The following L3MBTL1 variants were observed in gnomAD, a reference collection of about 807,000 sequenced individuals.
L3MBTL1 encodes L3MBTL histone methyl-lysine binding protein 1, also known as lethal(3)malignant brain tumor-like protein 1.
L3MBTL1 carries 75 observed loss-of-function variants against 105.3 expected under a neutral mutation model. The observed-to-expected ratio is 0.71, with a 90% CI of 0.59 to 0.86. The LOEUF is 0.86. L3MBTL1 is among the 40% of genes least tolerant of loss of function. The probability of loss-of-function intolerance (pLI) is 0.00; values close to 1 mark genes in which losing one functional copy is unlikely to be tolerated. For missense variants in L3MBTL1, 1,069 were observed against 1,126.4 expected (o/e 0.95, Z 0.73); for synonymous variants, 452 against 436.2 (o/e 1.04, Z -0.45).
chr20:43,523,719 T>C (rs893806236), intron 7 of L3MBTL1: 2 of 152,404 alleles, frequency 1.3e-5, no homozygotes, highest in African/African-American at 4.8e-5. Flanking sequence ...TTATTTTCTT[T>C]TTATTTTTAA....
rs1039035686 is a variant in L3MBTL1 at position 43,515,610 on chromosome 20, G to C, written c.777+195G>C. 3 of 653,652 alleles carry C rather than the reference G, an allele frequency of 4.6e-6. No individual in the cohort carries two copies. The African/African-American group carries it at 5.5e-5, about 12-fold the overall frequency. The allele number at this position is 653,652 out of a possible 1,614,324, so 40.5% of individuals were successfully genotyped here. ...AGGGAAATGAATTAATCACTCTCTT[G>C]ATTTTCCAGAGCTCCCATCTCAGTT... On this transcript the variant is annotated intron_variant, in intron 6 of 21. Transcript: ENST00000418998.
intron 16 of L3MBTL1, 47 bp downstream of exon 16, chr20:43,534,989 C>T: frequency 7.4e-7 from 1 of 1,351,026 alleles, no homozygotes; most frequent in African/African-American, 1.5e-5. Flanking sequence ...CCCCCAGGTT[C>T]TGACAATCCT....
rs191981062 is a variant in L3MBTL1 at position 43,517,096 on chromosome 20, C to T, written c.862+919C>T. On this transcript the variant is annotated intron_variant, in intron 7 of 21. Coordinates refer to ENST00000418998, the MANE Select transcript of L3MBTL1 (RefSeq NM_001377303.1). ...ACAGGTGTGAGGTACCACGCCTGGT[C>T]GTCTTTTTTTTTTTTTCTTTGAGAC... 8.1e-4 allele frequency among the ~76,000 whole-genome samples: 121 copies of T among 149,404 alleles called. 1 individual carries two copies. Among genetic ancestry groups the T allele is most frequent in the Non-Finnish European group, 1.4e-3 (95 of 67,390 alleles).
intron 3 of L3MBTL1, among the ~76,000 whole-genome samples, 179 bp downstream of exon 3, chr20:43,514,240 C>A (rs1368525165): frequency 1.3e-5 from 2 of 151,562 alleles, no homozygotes; most frequent in Non-Finnish European, 2.9e-5. Context: ...ACTCCTAGGC[C>A]CTGGGGACTA....
At chr20:43,539,877 G>A (rs2019818843) in intron 19 of L3MBTL1, 2 of 548,960 alleles carry the variant, frequency 3.6e-6, no homozygotes, top group Non-Finnish European at 6.6e-6. Flanking sequence ...TCCTTGCAGG[G>A]CCCAGGGTGG....
rs577235468 is a variant in L3MBTL1 at position 43,521,198 on chromosome 20, C to T, written c.862+5021C>T. Among the ~76,000 whole-genome samples the T allele has an allele frequency of 2.6e-5, 4 of 152,258 alleles. No individual in the cohort carries two copies. In the South Asian group the frequency reaches 8.3e-4, roughly 32 times the overall value. On this transcript the variant is annotated intron_variant, in intron 7 of 21. Coordinates refer to ENST00000418998, the MANE Select transcript of L3MBTL1 (RefSeq NM_001377303.1). ...GGCAAACACACAAATATCTCTGTAG[C>T]AAATTGAAAGCAAAAAGACCCAGCA...
At chr20:43,546,989 T>A (rs1344221896) in intron 18 of L3MBTL1, among the ~76,000 whole-genome samples, 1 of 152,182 alleles carries the variant, frequency 6.6e-6, no homozygotes, top group Non-Finnish European at 1.5e-5. Context: ...CATTTTGCAG[T>A]TTTTGAGCCA....
chr20:43,520,624 A>G (rs2018656749), intron 7 of L3MBTL1, among the ~76,000 whole-genome samples: 1 of 152,064 alleles, frequency 6.6e-6, no homozygotes, highest in South Asian at 2.1e-4. Flanking sequence ...TGTGGTTTTG[A>G]TTTGCATTTC....
chr20:43,515,148 G>T lies in L3MBTL1; in HGVS notation c.642G>T (p.Leu214=). Residue 214 remains leucine, a synonymous_variant, in exon 5 of 22, where the codon CTG becomes CTT. Coordinates refer to ENST00000418998, the MANE Select transcript of L3MBTL1 (RefSeq NM_001377303.1). ...CCTCTAATGATGGCTGCCCTCAGCTGTTCCAGGAGCGGTAAGGGGAGGAGG... is the reference window on the plus strand; with the variant it reads ...CCTCTAATGATGGCTGCCCTCAGCTTTTCCAGGAGCGGTAAGGGGAGGAGG... ...LGSSNDGCPQ[L]FQERSVIVEN... 6.2e-7 allele frequency: 1 copy of T among 1,614,188 alleles called. No individual in the cohort carries two copies. Among genetic ancestry groups the T allele is most frequent in the Non-Finnish European group, 8.5e-7 (1 of 1,180,022 alleles).
intron 1 of L3MBTL1, among the ~76,000 whole-genome samples, chr20:43,508,997 G>A (rs1028464308): frequency 2.0e-5 from 3 of 152,120 alleles, no homozygotes; most frequent in Non-Finnish European, 4.4e-5. Flanking sequence ...AGAGGCTGAC[G>A]GCAGAAGGCT....
intron 7 of L3MBTL1, among the ~76,000 whole-genome samples, 196 bp downstream of exon 7, chr20:43,516,373 A>G (rs1180603188): frequency 6.6e-6 from 1 of 152,124 alleles, no homozygotes; most frequent in Non-Finnish European, 1.5e-5. Context: ...TTTTCTTGGG[A>G]GTTATATGAT....
At chr20:43,524,147 T>TA (rs895667415) in intron 7 of L3MBTL1, among the ~76,000 whole-genome samples, 4 of 152,156 alleles carry the variant, frequency 2.6e-5, no homozygotes, top group Non-Finnish European at 4.4e-5. Context: ...ATTTGTCTTT[T>TA]AAAAAAAATT....
chr20:43,537,836 A>C (rs1352109239), intron 19 of L3MBTL1, among the ~76,000 whole-genome samples: 1 of 152,222 alleles, frequency 6.6e-6, no homozygotes, highest in African/African-American at 2.4e-5. Flanking sequence ...CTGGGCAGTA[A>C]GTAACATAGT....
At chr20:43,530,939 A>G (rs1254401616) in intron 11 of L3MBTL1, 50 bp downstream of exon 11, 2 of 1,483,884 alleles carry the variant, frequency 1.3e-6, no homozygotes, top group Admixed American at 3.6e-5. Flanking sequence ...GCCAGAGTTC[A>G]CTGCAGCTGG....
Position 43,514,779 on chromosome 20 carries a change from A to G in L3MBTL1, c.502+3A>G, listed in dbSNP as rs755452296. 9.1e-6 allele frequency: 14 copies of G among 1,544,886 alleles called. No homozygotes were observed. The highest frequency in any genetic ancestry group is 1.4e-5 in the African/African-American group (1 of 73,078). ...CGAGGCGGGCCCCCAACAGGCGGGT[A>G]GGAGCCCCGCTCCCCAGGCCCTGAG... On this transcript the variant is annotated splice_donor_region_variant and intron_variant, in intron 4 of 21. Transcript: ENST00000418998.
Position 43,515,427 on chromosome 20 carries a change from G to A in L3MBTL1, c.777+12G>A, listed in dbSNP as rs1242186496. On this transcript the variant is annotated intron_variant, in intron 6 of 21. Coordinates refer to ENST00000418998, the MANE Select transcript of L3MBTL1 (RefSeq NM_001377303.1). ...AGCCAGAGGCCATGGTAGGAAGAGG[G>A]CAGTGGGGAAGGGAGGGGGAAGCTA... is the stretch of plus-strand genomic sequence containing the variant. 2.6e-6 allele frequency: 4 copies of A among 1,552,872 alleles called. No homozygotes were observed. In the African/African-American group the frequency reaches 5.4e-5, roughly 21 times the overall value.
Position 43,515,106 on chromosome 20 carries a change from G to A in L3MBTL1, c.600G>A (p.Ala200=), listed in dbSNP as rs1027969529. 2 of 1,614,166 alleles carry A rather than the reference G, an allele frequency of 1.2e-6. No homozygotes were observed. The highest frequency in any genetic ancestry group is 1.7e-6 in the Non-Finnish European group (2 of 1,180,006). Residue 200 remains alanine, a synonymous_variant, in exon 5 of 22, where the codon GCG becomes GCA. Coordinates refer to ENST00000418998, the MANE Select transcript of L3MBTL1 (RefSeq NM_001377303.1). ...AGGCGTGCGGGCCTCACCAAGCCGC[G>A]GGTCCAGATCTTGGTTCCTCTAATG... ...QCQACGPHQA[A]GPDLGSSNDG...
intron 7 of L3MBTL1, among the ~76,000 whole-genome samples, chr20:43,519,554 T>G (rs2018598532): frequency 6.6e-6 from 1 of 152,170 alleles, no homozygotes; most frequent in Non-Finnish European, 1.5e-5. Flanking sequence ...GAGAATCGCT[T>G]GAACCTGGGA....
chr20:43,523,353 A>C (rs1051496625), intron 7 of L3MBTL1: 1 of 219,470 alleles, frequency 4.6e-6, no homozygotes, highest in Non-Finnish European at 9.8e-6. Context: ...GTAGAATCTC[A>C]TTCCCATAAT....
Sources: gnomAD v4.1 joint callset for allele counts (sites outside exome capture counted in the v4.1 genomes callset) on GRCh38, gnomAD v4.1.1 for gene constraint, MANE v1.5 for transcripts, NCBI Gene and HGNC (gene_info 2026-07-23, HGNC 2026-07-21) for gene names.